CHST9: variants seen among roughly 807,000 people sequenced by gnomAD.
CHST9 encodes carbohydrate sulfotransferase 9.
Under a neutral mutation model 44.4 loss-of-function variants are expected in CHST9, and 41 were observed. That is an observed-to-expected ratio of 0.92 (90% CI 0.72 to 1.20). The LOEUF (loss-of-function observed/expected upper bound fraction) is 1.20. Ranked by LOEUF, CHST9 falls within the 50% of genes most tolerant of loss-of-function variation. CHST9 has a pLI of 0.00. For missense variants in CHST9, 504 were observed against 516.5 expected (o/e 0.98, Z 0.23); for synonymous variants, 171 against 178.4 (o/e 0.96, Z 0.33).
intron 1 of CHST9, among the ~76,000 whole-genome samples, chr18:27,173,907 T>C (rs1274322221): frequency 6.6e-6 from 1 of 152,012 alleles, no homozygotes; most frequent in Non-Finnish European, 1.5e-5. Context: ...ATTATTAACA[T>C]TTTGCCATAA....
At chr18:27,044,195 T>G (rs2143543599) in intron 3 of CHST9, among the ~76,000 whole-genome samples, 1 of 152,198 alleles carries the variant, frequency 6.6e-6, no homozygotes, top group African/African-American at 2.4e-5. Context: ...AAGGCACTCT[T>G]CACACCATGT....
At chr18:27,093,278 G>T (rs2058086577) in intron 2 of CHST9, among the ~76,000 whole-genome samples, 2 of 152,238 alleles carry the variant, frequency 1.3e-5, no homozygotes, top group Non-Finnish European at 2.9e-5. Flanking sequence ...GCCCTCTTCA[G>T]AGCTGTCAGA....
At chr18:26,931,205 C>T (rs2145086331) in intron 5 of CHST9, among the ~76,000 whole-genome samples, 1 of 152,266 alleles carries the variant, frequency 6.6e-6, no homozygotes, top group East Asian at 1.9e-4. Flanking sequence ...GTATCATTAC[C>T]CCCTTCCCTC....
intron 1 of CHST9, among the ~76,000 whole-genome samples, chr18:27,156,710 C>T (rs758451310): frequency 1.3e-5 from 2 of 152,014 alleles, no homozygotes; most frequent in Admixed American, 6.6e-5. Flanking sequence ...CCACATACTT[C>T]GTATGAGTAA....
At chr18:27,094,444 T>A (rs2058097668) in intron 2 of CHST9, among the ~76,000 whole-genome samples, 1 of 152,182 alleles carries the variant, frequency 6.6e-6, no homozygotes, top group Non-Finnish European at 1.5e-5. Context: ...GGTGATAACA[T>A]CAAAGTGACC....
intron 1 of CHST9, among the ~76,000 whole-genome samples, chr18:27,155,890 G>T (rs115993071): frequency 1.6e-4 from 24 of 152,064 alleles, no homozygotes; most frequent in African/African-American, 5.8e-4. Context: ...TGCATCCACC[G>T]GTAAAATGGG....
intron 2 of CHST9, among the ~76,000 whole-genome samples, chr18:27,084,257 T>C (rs981360305): frequency 6.6e-6 from 1 of 152,080 alleles, no homozygotes; most frequent in Non-Finnish European, 1.5e-5. Context: ...AGAATTTGGC[T>C]ATGAATCCAC....
intron 4 of CHST9, among the ~76,000 whole-genome samples, chr18:26,948,807 G>C (rs1176609626): frequency 6.6e-6 from 1 of 152,212 alleles, no homozygotes; most frequent in Non-Finnish European, 1.5e-5. Context: ...TAAAGGATAA[G>C]AGAGGGGCAC....
chr18:26,995,810 A>T (rs2056881578), intron 4 of CHST9, among the ~76,000 whole-genome samples: 1 of 152,220 alleles, frequency 6.6e-6, no homozygotes, highest in Non-Finnish European at 1.5e-5. Context: ...TTTGTCTATT[A>T]TTAAAGCAAA....
chr18:27,082,925 T>C lies in CHST9; in HGVS notation c.122-34422A>G, dbSNP rs141526800. 2.6e-5 allele frequency among the ~76,000 whole-genome samples: 4 copies of C among 152,334 alleles called. No individual in the cohort carries two copies. In the East Asian group the frequency reaches 7.7e-4, roughly 29 times the overall value. ...TTTCACAAATCTTTTAGCAAATAGA[T>C]ATTTTTCAGGGTAAGACAACATCAT... On this transcript the variant is annotated intron_variant, in intron 2 of 5. Transcript: ENST00000618847.
chr18:27,026,848 T>C (rs889387433), intron 3 of CHST9, among the ~76,000 whole-genome samples: 1 of 152,190 alleles, frequency 6.6e-6, no homozygotes, highest in African/African-American at 2.4e-5. Context: ...TTTAGAAGAT[T>C]GAAAAAGAAT....
intron 1 of CHST9, among the ~76,000 whole-genome samples, chr18:27,171,741 A>G (rs911881226): frequency 2.0e-5 from 3 of 152,336 alleles, no homozygotes; most frequent in Non-Finnish European, 2.9e-5. Flanking sequence ...TCTACATGCA[A>G]TATCAGGAAT....
chr18:26,994,569 G>C (rs2056862872), intron 4 of CHST9, among the ~76,000 whole-genome samples: 1 of 152,048 alleles, frequency 6.6e-6, no homozygotes, highest in Admixed American at 6.5e-5. Flanking sequence ...CTTGAGTGTG[G>C]GCTGGATTTA....
intron 2 of CHST9, among the ~76,000 whole-genome samples, chr18:27,090,722 T>C (rs1342658257): frequency 1.3e-5 from 2 of 152,218 alleles, no homozygotes; most frequent in Non-Finnish European, 2.9e-5. Flanking sequence ...CCATTTCTTG[T>C]TTTTGTCAGG....
At chr18:27,182,619 T>G (rs1489988685) in intron 1 of CHST9, among the ~76,000 whole-genome samples, 2 of 152,176 alleles carry the variant, frequency 1.3e-5, no homozygotes, top group Admixed American at 6.5e-5. Flanking sequence ...TACCGTAATA[T>G]TGAAGCTCTA....
chr18:27,072,792 T>C (rs1054435103), intron 2 of CHST9, among the ~76,000 whole-genome samples: 1 of 152,220 alleles, frequency 6.6e-6, no homozygotes. Context: ...AATGGAAGCA[T>C]AGAAGTATGC....
chr18:27,160,180 C>T (rs2058734383), intron 1 of CHST9, among the ~76,000 whole-genome samples: 1 of 152,144 alleles, frequency 6.6e-6, no homozygotes, highest in Non-Finnish European at 1.5e-5. Flanking sequence ...GCATCCCTGT[C>T]TTGTGCCAGT....
At chr18:26,964,431 G>A (rs527641005) in intron 4 of CHST9, among the ~76,000 whole-genome samples, 1 of 152,314 alleles carries the variant, frequency 6.6e-6, no homozygotes, top group African/African-American at 2.4e-5. Context: ...TTTAGTGCAT[G>A]TTACTTATAT....
At chr18:27,007,706 T>C (rs935827640) in intron 4 of CHST9, among the ~76,000 whole-genome samples, 1 of 152,146 alleles carries the variant, frequency 6.6e-6, no homozygotes, top group Non-Finnish European at 1.5e-5. Flanking sequence ...GGACAGGTCA[T>C]GTCAGATGGA....
Sources: allele counts gnomAD v4.1 joint callset (sites outside exome capture counted in the v4.1 genomes callset), GRCh38; gene constraint gnomAD v4.1.1; transcripts MANE v1.5; gene names NCBI Gene and HGNC (gene_info 2026-07-23, HGNC 2026-07-21).